PTPRZ1: variants seen among roughly 807,000 people sequenced by gnomAD.
PTPRZ1 encodes receptor-type tyrosine-protein phosphatase zeta.
Under a neutral mutation model 214.1 loss-of-function variants are expected in PTPRZ1, and 82 were observed. The observed-to-expected ratio is 0.38, with a 90% CI of 0.32 to 0.46. The LOEUF (loss-of-function observed/expected upper bound fraction) is 0.46, where lower values mean the gene tolerates loss of function less well. Among genes scored for constraint, PTPRZ1 ranks in the 20% least tolerant of loss-of-function variants. PTPRZ1 has a pLI of 1.00. For synonymous variants in PTPRZ1, 945 were observed against 987.9 expected, an observed-to-expected ratio of 0.96 and a Z score of 0.81; for missense variants, 2,603 against 2,748.7, an observed-to-expected ratio of 0.95 and a Z score of 1.19.
chr7:121,932,369 T>C (rs1795950611), intron 2 of PTPRZ1, among the ~76,000 whole-genome samples: 1 of 152,252 alleles, frequency 6.6e-6, no homozygotes, highest in Non-Finnish European at 1.5e-5. Context: ...AATGAACGAC[T>C]ATGCTAACTG....
At chr7:121,989,375 GTT>G (rs11395654) in intron 8 of PTPRZ1, among the ~76,000 whole-genome samples, 5 of 137,440 alleles carry the variant, frequency 3.6e-5, no homozygotes, top group Admixed American at 1.5e-4. Flanking sequence ...TCCTATGAAA[GTT>G]TTTTTTTTTT....
chr7:121,965,814 A>G (rs879119490), intron 2 of PTPRZ1, among the ~76,000 whole-genome samples: 1 of 152,190 alleles, frequency 6.6e-6, no homozygotes, highest in Non-Finnish European at 1.5e-5. Context: ...TGAAAACCAG[A>G]TAGAAGGCAC....
chr7:121,959,868 A>T (rs958888071), intron 2 of PTPRZ1, among the ~76,000 whole-genome samples: 2 of 152,200 alleles, frequency 1.3e-5, no homozygotes, highest in African/African-American at 4.8e-5. Context: ...GTTTGTTAGC[A>T]TGTAGAAAGC....
At chr7:121,949,292 G>A (rs948356201) in intron 2 of PTPRZ1, among the ~76,000 whole-genome samples, 9 of 152,294 alleles carry the variant, frequency 5.9e-5, no homozygotes, top group Non-Finnish European at 1.0e-4. Flanking sequence ...ATTAGAAGGG[G>A]AGGTAGGTTG....
chr7:122,002,294 G>C (rs1269761576), intron 10 of PTPRZ1, among the ~76,000 whole-genome samples: 1 of 152,198 alleles, frequency 6.6e-6, no homozygotes, highest in Non-Finnish European at 1.5e-5. Context: ...GAGCCTTCAA[G>C]GTGGTTTTAT....
chr7:121,952,261 GT>G (rs201736692), intron 2 of PTPRZ1, among the ~76,000 whole-genome samples: 4 of 17,640 alleles, frequency 2.3e-4, no homozygotes, highest in African/African-American at 3.5e-4. Flanking sequence ...CCCGGTGAGT[GT>G]TTTTTTTTTT....
At chr7:121,885,172 G>A (rs552298633) in intron 1 of PTPRZ1, among the ~76,000 whole-genome samples, 53 of 152,280 alleles carry the variant, frequency 3.5e-4, no homozygotes, top group African/African-American at 1.2e-3. Flanking sequence ...AAATGTGTAT[G>A]TTAAAACACT....
chr7:122,033,071 A>G (rs1799430033), intron 15 of PTPRZ1, among the ~76,000 whole-genome samples: 1 of 152,034 alleles, frequency 6.6e-6, no homozygotes, highest in African/African-American at 2.4e-5. Context: ...CATTTTGAAT[A>G]TTATTAAGCA....
chr7:121,998,031 A>G, intron 10 of PTPRZ1, 25 bp downstream of exon 10: 2 of 1,599,044 alleles, frequency 1.3e-6, no homozygotes, highest in Admixed American at 1.7e-5. Flanking sequence ...ATACATCTAT[A>G]TATTAACTCA....
chr7:122,031,358 G>C, intron 14 of PTPRZ1, 116 bp from the exon 15 acceptor site: 2 of 708,662 alleles, frequency 2.8e-6, no homozygotes, highest in East Asian at 2.8e-5. Flanking sequence ...TGAATGCTGA[G>C]ATTTAGTTAG....
chr7:122,028,598 C>G lies in PTPRZ1; in HGVS notation c.5035C>G (p.Pro1679Ala). The change falls in exon 14 of 30, where the codon CCT becomes GCT. Residue 1679 changes from proline (P) to alanine (A), a missense_variant. Physicochemically the swap from Pro to Ala is conservative, Grantham distance 27 (BLOSUM62 -1). Around this residue, in one of 6 missense-constraint regions of PTPRZ1, gnomAD observed 1,913 missense variants for 1,914.3 expected, o/e 1.00. Coordinates refer to ENST00000393386, the MANE Select transcript of PTPRZ1 (RefSeq NM_002851.3). Reference protein sequence around the residue: ...AHFYLEDSTSPRVISTPPTPI... With the variant: ...AHFYLEDSTSARVISTPPTPI... ...CTTTTACTTAGAGGACAGTACATCC[C>G]CTAGAGTTATATCCACACCTCCAAC... The G allele has an allele frequency of 6.4e-7, 1 of 1,550,430 alleles. No individual in the cohort carries two copies.
At chr7:122,032,140 A>T (rs1429670524) in intron 15 of PTPRZ1, 1 of 152,192 alleles carries the variant, frequency 6.6e-6, no homozygotes, top group Non-Finnish European at 1.5e-5. Context: ...CTGCAAATTT[A>T]TCATGGCCCA....
intron 8 of PTPRZ1, among the ~76,000 whole-genome samples, chr7:121,992,016 T>C (rs1302534536): frequency 2.6e-5 from 4 of 152,202 alleles, no homozygotes; most frequent in Non-Finnish European, 5.9e-5. Flanking sequence ...GGTGGACTTA[T>C]TAGCATGTAT....
chr7:122,048,265 C>T (rs1485545870), intron 23 of PTPRZ1, among the ~76,000 whole-genome samples: 2 of 151,578 alleles, frequency 1.3e-5, no homozygotes, highest in African/African-American at 4.8e-5. Context: ...TTTAACAAAA[C>T]CTAATGCAGG....
intron 12 of PTPRZ1, among the ~76,000 whole-genome samples, chr7:122,014,432 TTTAA>T (rs1216480087): frequency 3.9e-5 from 6 of 152,024 alleles, no homozygotes; most frequent in Non-Finnish European, 4.4e-5. Context: ...ATTATTATTA[TTTAA>T]TTAATTAATT....
At chr7:121,958,009 T>A (rs1796762403) in intron 2 of PTPRZ1, among the ~76,000 whole-genome samples, 4 of 152,240 alleles carry the variant, frequency 2.6e-5, no homozygotes, top group Admixed American at 2.6e-4. Flanking sequence ...CTCTTTCTTT[T>A]AATAATTCTT....
intron 2 of PTPRZ1, among the ~76,000 whole-genome samples, chr7:121,948,722 CTCACAGTGATGCT>C (rs1796462065): frequency 6.7e-6 from 1 of 150,330 alleles, no homozygotes; most frequent in Non-Finnish European, 1.5e-5. Context: ...TTATTTAAAC[CTCACAGTGATGCT>C]GTGAGGTTGG....
intron 1 of PTPRZ1, among the ~76,000 whole-genome samples, chr7:121,879,373 GGTCAGTAATGAGTAAATAAAGTATCTTGA>G (rs1794161840): frequency 6.6e-6 from 1 of 152,032 alleles, no homozygotes; most frequent in Non-Finnish European, 1.5e-5. Context: ...GATGCAGGAT[GGTCAGTAATGAGTAAATAAAGTATCTTGA>G]GCCCATGAAC....
At chr7:122,038,152 C>T (rs1262478097) in intron 18 of PTPRZ1, among the ~76,000 whole-genome samples, 2 of 152,118 alleles carry the variant, frequency 1.3e-5, no homozygotes, top group Non-Finnish European at 2.9e-5. Context: ...ATTATTTCCA[C>T]CTGGTTCCTC....
Sources: gnomAD v4.1 joint callset for allele counts (sites outside exome capture counted in the v4.1 genomes callset) on GRCh38, gnomAD v4.1.1 for gene constraint, gnomAD v4.1.1 regional missense constraint, MANE v1.5 for transcripts, NCBI Gene and HGNC (gene_info 2026-07-23, HGNC 2026-07-21) for gene names.